CNTN6: variants seen among roughly 807,000 people sequenced by gnomAD.
CNTN6 encodes contactin-6.
Under a neutral mutation model 122.8 loss-of-function variants are expected in CNTN6, and 137 were observed. The ratio of observed to expected loss-of-function variants is 1.12; its 90% CI spans 0.97 to 1.29. The LOEUF (loss-of-function observed/expected upper bound fraction) is 1.29, where lower values mean the gene tolerates loss of function less well. Ranked by LOEUF, CNTN6 falls within the 50% of genes most tolerant of loss-of-function variation. The pLI is 0.00. For synonymous variants in CNTN6, 570 were observed against 426.0 expected (o/e 1.34, Z -4.16); for missense variants, 1,634 against 1,223.4 (o/e 1.34, Z -5.01).
chr3:1,196,575 G>T (rs1012091714), intron 2 of CNTN6, among the ~76,000 whole-genome samples: 2 of 152,182 alleles, frequency 1.3e-5, no homozygotes, highest in Non-Finnish European at 1.5e-5. Context: ...TATGATGAGG[G>T]TTAACTGACA....
chr3:1,385,386 C>G (rs1489200766), intron 19 of CNTN6, among the ~76,000 whole-genome samples: 1 of 152,144 alleles, frequency 6.6e-6, no homozygotes, highest in East Asian at 1.9e-4. Context: ...AAATCACGTT[C>G]TCTAATTTCC....
intron 20 of CNTN6, among the ~76,000 whole-genome samples, chr3:1,387,652 C>CATCTGAGGTACCG (rs1693247732): frequency 6.6e-6 from 1 of 151,998 alleles, no homozygotes; most frequent in African/African-American, 2.4e-5. Flanking sequence ...CTGAGGTACC[C>CATCTGAGGTACCG]GGTTCATCTC....
At chr3:1,156,048 C>T (rs1212064279) in intron 2 of CNTN6, among the ~76,000 whole-genome samples, 1 of 152,184 alleles carries the variant, frequency 6.6e-6, no homozygotes, top group African/African-American at 2.4e-5. Flanking sequence ...TAATTCAATT[C>T]TACCTGTGTC....
At chr3:1,300,300 A>G (rs1036012831) in intron 7 of CNTN6, among the ~76,000 whole-genome samples, 2 of 151,998 alleles carry the variant, frequency 1.3e-5, no homozygotes, top group African/African-American at 4.8e-5. Context: ...CTGCTTTTAT[A>G]TAAGCAATGT....
intron 5 of CNTN6, among the ~76,000 whole-genome samples, chr3:1,283,680 A>T (rs543222713): frequency 6.6e-6 from 1 of 151,728 alleles, no homozygotes; most frequent in Non-Finnish European, 1.5e-5. Flanking sequence ...CAAAGTAAAG[A>T]ACACTCTTTC....
intron 1 of CNTN6, among the ~76,000 whole-genome samples, chr3:1,098,789 C>CATACATATATATAT (rs2090687429): frequency 1.6e-5 from 1 of 63,252 alleles, no homozygotes; most frequent in Non-Finnish European, 2.7e-5. Flanking sequence ...CACACACACA[C>CATACATATATATAT]ATATATATAT....
At chr3:1,380,473 C>G (rs74643428) in intron 17 of CNTN6, among the ~76,000 whole-genome samples, 1 of 152,106 alleles carries the variant, frequency 6.6e-6, no homozygotes, top group Non-Finnish European at 1.5e-5. Flanking sequence ...AATGTGTATA[C>G]TCCCAAATAC....
At chr3:1,316,584 G>A (rs1199453993) in intron 7 of CNTN6, among the ~76,000 whole-genome samples, 1 of 151,828 alleles carries the variant, frequency 6.6e-6, no homozygotes, top group Non-Finnish European at 1.5e-5. Context: ...ATTTTTACAT[G>A]AGATTTGGGC....
chr3:1,347,900 G>A (rs17785918), intron 11 of CNTN6, among the ~76,000 whole-genome samples: 14,195 of 151,744 alleles, frequency 0.094, 746 homozygotes, highest in Non-Finnish European at 0.12. Flanking sequence ...GACTCCTTTC[G>A]AAAAGCCCAG....
intron 12 of CNTN6, among the ~76,000 whole-genome samples, chr3:1,361,545 T>G (rs1385703815): frequency 6.6e-6 from 1 of 152,184 alleles, no homozygotes; most frequent in East Asian, 1.9e-4. Flanking sequence ...AAATTATACT[T>G]ATTTCTTTCT....
rs1336839141 is a variant in CNTN6 at position 1,312,631 on chromosome 3, G to C, written c.762-9019G>C. Among the ~76,000 whole-genome samples the C allele has an allele frequency of 3.7e-5, 5 of 134,042 alleles. No individual in the cohort carries two copies. In the East Asian group the frequency reaches 1.1e-3, roughly 30 times the overall value. 87.9% of individuals were successfully genotyped at this position (134,042 alleles called of 152,430 possible). A position where few individuals can be genotyped will look rare whatever the true frequency, so the allele number is the denominator to read the frequency against. On this transcript the variant is annotated intron_variant, in intron 7 of 22. Coordinates refer to ENST00000446702, the MANE Select transcript of CNTN6 (RefSeq NM_001289080.2). ...CTCTTATACAAAAAAAAAAAAAAAAGCATCTATTGACTGGTTGCAAGACAC... is the reference window on the plus strand; with the variant it reads ...CTCTTATACAAAAAAAAAAAAAAAACCATCTATTGACTGGTTGCAAGACAC...
chr3:1,215,572 T>TA (rs2094119094), intron 2 of CNTN6, among the ~76,000 whole-genome samples: 1 of 152,210 alleles, frequency 6.6e-6, no homozygotes, highest in African/African-American at 2.4e-5. Flanking sequence ...ATATTATTTT[T>TA]AAAAACTCAT....
At chr3:1,311,798 A>G (rs1201428197) in intron 7 of CNTN6, among the ~76,000 whole-genome samples, 1 of 151,730 alleles carries the variant, frequency 6.6e-6, no homozygotes, top group African/African-American at 2.4e-5. Flanking sequence ...AATTTTTTTA[A>G]TTCTTAAAAA....
intron 6 of CNTN6, 133 bp from the exon 7 acceptor site, chr3:1,297,756 A>G (rs1696520142): frequency 2.9e-6 from 2 of 701,502 alleles, no homozygotes; most frequent in South Asian, 3.6e-5. Flanking sequence ...TAGAATCTAT[A>G]TGTATCCAAT....
intron 1 of CNTN6, among the ~76,000 whole-genome samples, chr3:1,107,827 A>G (rs1442183556): frequency 6.6e-6 from 1 of 152,046 alleles, no homozygotes; most frequent in Non-Finnish European, 1.5e-5. Flanking sequence ...ATTGATATGC[A>G]ATTAATTGAG....
intron 2 of CNTN6, among the ~76,000 whole-genome samples, chr3:1,217,249 G>A (rs1281219463): frequency 6.6e-6 from 1 of 152,084 alleles, no homozygotes; most frequent in Non-Finnish European, 1.5e-5. Context: ...TTCCAGCTTT[G>A]AGGTTCTCTA....
At chr3:1,125,276 G>A (rs1559358874) in intron 1 of CNTN6, among the ~76,000 whole-genome samples, 1 of 151,816 alleles carries the variant, frequency 6.6e-6, no homozygotes, top group African/African-American at 2.4e-5. Flanking sequence ...CAGTATCTGT[G>A]CAGACTGAGA....
rs375969086 is a variant in CNTN6 at position 1,263,159 on chromosome 3, A to G, written c.359-15254A>G. 1.2e-4 allele frequency among the ~76,000 whole-genome samples: 18 copies of G among 152,194 alleles called. No homozygotes were observed. The East Asian group carries it at 2.1e-3, about 18-fold the overall frequency. On this transcript the variant is annotated intron_variant, in intron 4 of 22. Transcript: ENST00000446702. ...AAATGTTCTTGAGTGCCCTTTGTGT[A>G]TTAGACACTGAGCATATTCAGAGAA... is the stretch of plus-strand genomic sequence containing the variant.
chr3:1,279,431 A>G (rs1692986295), intron 5 of CNTN6, among the ~76,000 whole-genome samples: 1 of 152,246 alleles, frequency 6.6e-6, no homozygotes. Flanking sequence ...GCACAGACCC[A>G]AGGACTTTAA....
Sources: allele counts gnomAD v4.1 joint callset (sites outside exome capture counted in the v4.1 genomes callset), GRCh38; gene constraint gnomAD v4.1.1; transcripts MANE v1.5; gene names NCBI Gene and HGNC (gene_info 2026-07-23, HGNC 2026-07-21).